The following CCDC181 variants were observed in gnomAD, a reference collection of about 807,000 sequenced individuals.
The protein encoded by CCDC181 is coiled-coil domain-containing protein 181.
In CCDC181, 35 loss-of-function variants were observed where a neutral mutation model predicts 58.7. That is an observed-to-expected ratio of 0.60 (90% confidence interval 0.46 to 0.79). The LOEUF (loss-of-function observed/expected upper bound fraction) is 0.79. CCDC181 is among the 30% of genes least tolerant of loss of function. CCDC181 has a pLI of 0.00. For missense variants in CCDC181, 517 were observed against 583.9 expected (o/e 0.89, Z 1.18); for synonymous variants, 183 against 197.5 (o/e 0.93, Z 0.62).
At position 169,422,041 on chromosome 1, in the gene CCDC181, T is replaced by C. The variant is rs201995359; in HGVS notation, c.390A>G (p.Lys130=). 9.8e-5 allele frequency: 158 copies of C among 1,613,960 alleles called. No homozygotes were observed. Among genetic ancestry groups the C allele is most frequent in the Non-Finnish European group, 1.2e-5 (14 of 1,180,012 alleles). The change falls in exon 3 of 6, where the codon AAA becomes AAG. Residue 130 remains lysine (K), a synonymous_variant. Transcript: ENST00000367806. ...GTAGAAGCTTGTTAGCTTGTACAATTTTCTCCATAATATATCTCCTTACTT... is the reference window on the plus strand; with the variant it reads ...GTAGAAGCTTGTTAGCTTGTACAATCTTCTCCATAATATATCTCCTTACTT... The part of the protein sequence containing the change: ...DEEVRRYIME[K]IVQANKLLQN...
chr1:169,421,871 GAC>G lies in CCDC181; in HGVS notation c.558_559del (p.Ser187ThrfsTer7). ...AAAATCATTGGAAATACATAATTGT[GAC>G]AGTTTCCCAAACATATTCCTTTCGT... On this transcript the variant is annotated frameshift_variant, in exon 3 of 6. Coordinates refer to ENST00000367806, the MANE Select transcript of CCDC181 (RefSeq NM_001300969.2). LOFTEE classifies it high-confidence loss of function. The G allele has an allele frequency of 6.2e-7, 1 of 1,613,766 alleles. No homozygotes were observed. Among genetic ancestry groups the G allele is most frequent in the Non-Finnish European group, 8.5e-7 (1 of 1,179,904 alleles).
At chr1:169,431,565 A>G (rs902777837), upstream of CCDC181, among the ~76,000 whole-genome samples, 1 of 152,174 alleles carries the variant, frequency 6.6e-6, no homozygotes, top group Non-Finnish European at 1.5e-5. Flanking sequence ...TCTTGTAACT[A>G]TTTTGGAACT....
In CCDC181 at chr1:169,422,095, C is replaced by T; in HGVS notation, c.336G>A (p.Gln112=). 1 of 1,613,468 alleles carries T rather than the reference C, an allele frequency of 6.2e-7. No individual in the cohort carries two copies. Among genetic ancestry groups the T allele is most frequent in the Non-Finnish European group, 8.5e-7 (1 of 1,179,616 alleles). ...CATCCTCTTCCTCCTCCAAGTCTTT[C>T]TGGCTTTCTAGTTTGGATTCCTGGA... ...NSFQESKLES[Q]KDLEEEEDEE... is the part of the protein sequence containing the mutation. The change falls in exon 3 of 6, where the codon CAG becomes CAA. Residue 112 remains glutamine (Q), a synonymous_variant. Transcript: ENST00000367806.
intron 2 of CCDC181, among the ~76,000 whole-genome samples, chr1:169,424,561 T>C (rs66937324): frequency 0.073 from 11,126 of 151,786 alleles, 1,529 homozygotes; most frequent in East Asian, 0.66. Context: ...AATTTTATAA[T>C]GGTCACTTTA....
Position 169,394,918 on chromosome 1 carries a change from CAA to C in CCDC181, c.*127_*128del. The C allele has an allele frequency of 1.2e-6, 1 of 851,382 alleles. No homozygotes were observed. Among genetic ancestry groups the C allele is most frequent in the Non-Finnish European group, 1.7e-6 (1 of 596,362 alleles). The allele number at this position is 851,382 out of a possible 1,614,324, so 52.7% of individuals were successfully genotyped here. On this transcript the variant is annotated 3_prime_UTR_variant, in exon 6 of 6. Transcript: ENST00000367806. Reference sequence around the variant, plus strand: ...TTATTTTGTTCTAGTATTAAAAAAACAAATTCACTGTCAATAAAAGATAAATA... The same window carrying C: ...TTATTTTGTTCTAGTATTAAAAAAACATTCACTGTCAATAAAAGATAAATA...
At chr1:169,432,165 A>C (rs1306661816), upstream of CCDC181, among the ~76,000 whole-genome samples, 1 of 152,114 alleles carries the variant, frequency 6.6e-6, no homozygotes, top group Non-Finnish European at 1.5e-5. Flanking sequence ...TAAAAAAGAA[A>C]TCAAAGAAAT....
rs867492524 is a variant in CCDC181, at chr1:169,402,987, A to C, written c.1216-5596T>G. 4.6e-4 allele frequency among the ~76,000 whole-genome samples: 68 copies of C among 148,404 alleles called. 2 individuals are homozygous for C. The highest frequency in any genetic ancestry group is 2.8e-3 in the Admixed American group (41 of 14,690). ...CCAAGCAAATGGAAAACAAACAAAA[A>C]AAAAAAAAAGCAGGGGTTGCAATCC... On this transcript the variant is annotated intron_variant, in intron 4 of 5. Transcript: ENST00000367806.
At chr1:169,417,908 A>T (rs560928491) in intron 4 of CCDC181, among the ~76,000 whole-genome samples, 6 of 152,320 alleles carry the variant, frequency 3.9e-5, no homozygotes, top group African/African-American at 1.4e-4. Flanking sequence ...ACCTATATCT[A>T]TCTCTTATTA....
intron 4 of CCDC181, among the ~76,000 whole-genome samples, chr1:169,406,536 C>T (rs1355603284): frequency 2.0e-5 from 3 of 152,146 alleles, no homozygotes; most frequent in Admixed American, 6.5e-5. Flanking sequence ...TCTGAGCAAA[C>T]TATCACAAGG....
intron 2 of CCDC181, among the ~76,000 whole-genome samples, chr1:169,441,015 A>G (rs1000461737): frequency 6.6e-6 from 1 of 151,560 alleles, no homozygotes; most frequent in Non-Finnish European, 1.5e-5. Context: ...AAATACTACA[A>G]ACATACTGTG....
chr1:169,452,265 A>G lies in CCDC181; in HGVS notation c.-24+7532T>C, dbSNP rs916240823. Among the ~76,000 whole-genome samples the G allele has an allele frequency of 1.3e-4, 20 of 152,180 alleles. 1 individual carries two copies. Among genetic ancestry groups the G allele is most frequent in the Non-Finnish European group, 4.4e-5 (3 of 68,000 alleles). ...CAGAAAGAGGTATGTTCCAGAAGCC[A>G]TAGGAAGAACATGTTTCAATAAAAA... On this transcript the variant is annotated intron_variant, in intron 2 of 6. Coordinates refer to the CCDC181 transcript ENST00000545005.
chr1:169,426,146 A>G (rs1195617170), intron 1 of CCDC181, among the ~76,000 whole-genome samples: 1 of 152,180 alleles, frequency 6.6e-6, no homozygotes, highest in East Asian at 1.9e-4. Flanking sequence ...TAACTTAAAA[A>G]CAAAAAAACA....
intron 2 of CCDC181, among the ~76,000 whole-genome samples, chr1:169,438,142 A>G (rs1657106797): frequency 6.6e-6 from 1 of 152,094 alleles, no homozygotes; most frequent in South Asian, 2.1e-4. Flanking sequence ...ATATAAAGAC[A>G]AATTTTTAGC....
At chr1:169,458,956 G>T (rs1285673837) in intron 2 of CCDC181, among the ~76,000 whole-genome samples, 1 of 151,760 alleles carries the variant, frequency 6.6e-6, no homozygotes, top group Non-Finnish European at 1.5e-5. Flanking sequence ...TTTCTTGGGG[G>T]TTGTAAGAGG....
intron 2 of CCDC181, among the ~76,000 whole-genome samples, chr1:169,436,990 ATTT>A (rs771611463): frequency 6.8e-6 from 1 of 147,782 alleles, no homozygotes; most frequent in Non-Finnish European, 1.5e-5. Context: ...CAGAGCTGAC[ATTT>A]TTTTTTTTGG....
chr1:169,405,555 G>C (rs10800445), intron 4 of CCDC181, among the ~76,000 whole-genome samples: 10 of 152,048 alleles, frequency 6.6e-5, no homozygotes, highest in Non-Finnish European at 8.8e-5. Context: ...AAGAAACGGC[G>C]GAAGGATTCC....
chr1:169,398,233 A>T (rs1655158115), intron 4 of CCDC181, among the ~76,000 whole-genome samples: 1 of 152,224 alleles, frequency 6.6e-6, no homozygotes, highest in African/African-American at 2.4e-5. Flanking sequence ...GTGTTCTATT[A>T]CACAGTAGAG....
rs771591502 is a variant in CCDC181, at chr1:169,427,470, A to C, written c.-206T>G. On this transcript the variant is annotated 5_prime_UTR_variant, in exon 1 of 6. Coordinates refer to ENST00000367806, the MANE Select transcript of CCDC181 (RefSeq NM_001300969.2). Reference sequence around the variant, plus strand: ...CTCCATCCGGGCCTCTCTAACTACGAGAGCGACAAAAATCTGCGCAGGCGC... The same window carrying C: ...CTCCATCCGGGCCTCTCTAACTACGCGAGCGACAAAAATCTGCGCAGGCGC... 1 of 152,298 alleles carries C rather than the reference A, an allele frequency of 6.6e-6. No homozygotes were observed. Among genetic ancestry groups the C allele is most frequent in the Non-Finnish European group, 1.5e-5 (1 of 68,094 alleles). The allele number at this position is 152,298 out of a possible 1,614,324, so 9.4% of individuals were successfully genotyped here. A position where few individuals can be genotyped will look rare whatever the true frequency, so the allele number is the denominator to read the frequency against.
At chr1:169,446,519 G>T (rs1031275759) in intron 2 of CCDC181, among the ~76,000 whole-genome samples, 3 of 152,118 alleles carry the variant, frequency 2.0e-5, no homozygotes, top group African/African-American at 7.2e-5. Flanking sequence ...TACTGGCTTT[G>T]AATATTTCTT....
Sources: gnomAD v4.1 joint callset for allele counts (sites outside exome capture counted in the v4.1 genomes callset) on GRCh38, gnomAD v4.1.1 for gene constraint, MANE v1.5 for transcripts, NCBI Gene and HGNC (gene_info 2026-07-23, HGNC 2026-07-21) for gene names.